The following KCNB2 variants were observed in gnomAD, a reference collection of about 807,000 sequenced individuals.
The protein encoded by KCNB2 is potassium voltage-gated channel subfamily B member 2.
KCNB2 carries 15 observed loss-of-function variants against 61.5 expected under a neutral mutation model. The ratio of observed to expected loss-of-function variants is 0.24; its 90% CI spans 0.16 to 0.38. The LOEUF (loss-of-function observed/expected upper bound fraction) is 0.38. Ranked by LOEUF, KCNB2 falls within the 10% of genes least tolerant of loss-of-function variation. The pLI is 1.00. For missense variants in KCNB2, 828 were observed against 1,125.2 expected (o/e 0.74, Z 3.78); for synonymous variants, 457 against 446.0 (o/e 1.02, Z -0.31).
intron 2 of KCNB2, among the ~76,000 whole-genome samples, chr8:72,799,770 A>C (rs1809092730): frequency 6.6e-6 from 1 of 152,132 alleles, no homozygotes; most frequent in South Asian, 2.1e-4. Flanking sequence ...TGGACATAAA[A>C]AATATAATTG....
At chr8:72,742,146 C>A (rs1807970505) in intron 2 of KCNB2, among the ~76,000 whole-genome samples, 1 of 152,152 alleles carries the variant, frequency 6.6e-6, no homozygotes. Flanking sequence ...TTTCTGCTAC[C>A]CTGTTTTTAC....
chr8:72,758,617 C>T (rs1808330506), intron 2 of KCNB2, among the ~76,000 whole-genome samples: 1 of 152,168 alleles, frequency 6.6e-6, no homozygotes, highest in Admixed American at 6.5e-5. Flanking sequence ...ATGTTTATTA[C>T]ACAAACCTCT....
intron 2 of KCNB2, among the ~76,000 whole-genome samples, chr8:72,587,965 A>G (rs959186210): frequency 6.6e-6 from 1 of 152,180 alleles, no homozygotes; most frequent in Non-Finnish European, 1.5e-5. Context: ...TTAAATGTCC[A>G]TTTGCTTTCA....
At chr8:72,700,875 A>G (rs1807110908) in intron 2 of KCNB2, among the ~76,000 whole-genome samples, 1 of 152,224 alleles carries the variant, frequency 6.6e-6, no homozygotes, top group Non-Finnish European at 1.5e-5. Flanking sequence ...TGTGGTACAT[A>G]TACACCATGG....
intron 2 of KCNB2, chr8:72,660,765 T>A (rs1280984833): frequency 3.3e-5 from 5 of 152,204 alleles, no homozygotes; most frequent in African/African-American, 1.2e-4. Flanking sequence ...GATCTTGTCA[T>A]CAGTTTTGGA....
chr8:72,889,200 T>G (rs1209215073), intron 2 of KCNB2, among the ~76,000 whole-genome samples: 1 of 152,182 alleles, frequency 6.6e-6, no homozygotes, highest in Admixed American at 6.5e-5. Flanking sequence ...AACACATCAC[T>G]GTTACTATTC....
chr8:72,843,528 C>G (rs10087853), intron 2 of KCNB2, among the ~76,000 whole-genome samples: 129,402 of 151,790 alleles, frequency 0.85, 56,121 homozygotes, highest in Middle Eastern at 0.97. Flanking sequence ...CTAATGTTGA[C>G]AGTAGGGTGT....
At chr8:72,746,827 G>A (rs1195890697) in intron 2 of KCNB2, among the ~76,000 whole-genome samples, 2 of 152,136 alleles carry the variant, frequency 1.3e-5, no homozygotes, top group Admixed American at 1.3e-4. Flanking sequence ...TTTCCAAGCA[G>A]TGAGTAGACC....
intron 2 of KCNB2, among the ~76,000 whole-genome samples, chr8:72,897,434 A>T (rs1806010503): frequency 6.6e-6 from 1 of 152,160 alleles, no homozygotes; most frequent in African/African-American, 2.4e-5. Context: ...GATATTTGAA[A>T]TATAAATCAT....
chr8:72,728,451 C>T (rs988533535), intron 2 of KCNB2, among the ~76,000 whole-genome samples: 1 of 152,006 alleles, frequency 6.6e-6, no homozygotes, highest in African/African-American at 2.4e-5. Flanking sequence ...AATGAATAAT[C>T]ATTCAGGACT....
intron 2 of KCNB2, among the ~76,000 whole-genome samples, chr8:72,787,648 T>G (rs1373711447): frequency 6.6e-6 from 1 of 152,086 alleles, no homozygotes; most frequent in Non-Finnish European, 1.5e-5. Flanking sequence ...TTGGAAATGG[T>G]AGATTTCAGA....
rs746658273 is a variant in KCNB2 at position 72,567,913 on chromosome 8, G to A, written c.179G>A (p.Arg60His). ...WRTLDRLPRTRLGKLRDCNTH... is the reference protein window; with the variant it reads ...WRTLDRLPRTHLGKLRDCNTH... ...ACGCTGGACAGGCTGCCCAGGACGC[G>A]CCTGGGGAAGCTTCGAGACTGCAAC... The change falls in exon 2 of 3, where the codon CGC becomes CAC. Residue 60 changes from arginine (R) to histidine (H), a missense_variant. By Grantham distance (29) the Arg-to-His change is conservative. Coordinates refer to ENST00000523207, the MANE Select transcript of KCNB2 (RefSeq NM_004770.3). The A allele has an allele frequency of 6.2e-7, 1 of 1,613,944 alleles. No homozygotes were observed. The highest frequency in any genetic ancestry group is 8.5e-7 in the Non-Finnish European group (1 of 1,179,944).
intron 2 of KCNB2, among the ~76,000 whole-genome samples, chr8:72,697,401 T>C (rs1339655587): frequency 6.6e-6 from 1 of 152,184 alleles, no homozygotes; most frequent in South Asian, 2.1e-4. Context: ...ATTCTCCAAC[T>C]AAATGCTGCT....
chr8:72,938,135 AAACTT>A lies in KCNB2; in HGVS notation c.*45_*49del, dbSNP rs759601958. The A allele has an allele frequency of 6.8e-7, 1 of 1,471,828 alleles. No homozygotes were observed. Among genetic ancestry groups the A allele is most frequent in the African/African-American group, 1.4e-5 (1 of 70,814 alleles). The allele number at this position is 1,471,828 out of a possible 1,614,324, so 91.2% of individuals were successfully genotyped here. On this transcript the variant is annotated 3_prime_UTR_variant, in exon 3 of 3. Transcript: ENST00000523207. ...AATTGAAACAAAACAAAACAAAACA[AAACTT>A]GTTTCTTAAAAATGCGGTTAATAAT...
At chr8:72,829,450 A>G (rs1809652892) in intron 2 of KCNB2, among the ~76,000 whole-genome samples, 1 of 152,228 alleles carries the variant, frequency 6.6e-6, no homozygotes, top group African/African-American at 2.4e-5. Context: ...CAGCTTCTGT[A>G]TAAAGAGTAG....
At chr8:72,882,520 TGAGAGAGAGA>T (rs147239924) in intron 2 of KCNB2, among the ~76,000 whole-genome samples, 24 of 115,460 alleles carry the variant, frequency 2.1e-4, no homozygotes, top group African/African-American at 3.9e-4. Context: ...TGCTGACAGT[TGAGAGAGAGA>T]GAGAGAGAGA....
Position 72,686,615 on chromosome 8 carries a change from A to G in KCNB2, c.579+118302A>G, listed in dbSNP as rs150470328. The stretch of plus-strand genomic sequence containing the variant: ...GCAATCAATAAATCATCTTGCCAGC[A>G]TAGTAAGCAACCTGAAAACAACCTC... On this transcript the variant is annotated intron_variant, in intron 2 of 2. Transcript: ENST00000523207. Among the ~76,000 whole-genome samples the G allele has an allele frequency of 2.1e-3, 321 of 152,342 alleles. 3 individuals carry two copies. The highest frequency in any genetic ancestry group is 7.3e-3 in the African/African-American group (302 of 41,584).
intron 2 of KCNB2, among the ~76,000 whole-genome samples, chr8:72,899,791 G>A (rs909247813): frequency 6.6e-6 from 1 of 152,156 alleles, no homozygotes; most frequent in East Asian, 1.9e-4. Flanking sequence ...GCCCAAAGCA[G>A]TTTATAGATT....
chr8:72,802,533 A>G (rs1809149723), intron 2 of KCNB2, among the ~76,000 whole-genome samples: 1 of 152,190 alleles, frequency 6.6e-6, no homozygotes, highest in Non-Finnish European at 1.5e-5. Context: ...ATCAACTTAG[A>G]GGAAGTTTTT....
Sources: gnomAD v4.1 joint callset for allele counts (sites outside exome capture counted in the v4.1 genomes callset) on GRCh38, gnomAD v4.1.1 for gene constraint, MANE v1.5 for transcripts, NCBI Gene and HGNC (gene_info 2026-07-23, HGNC 2026-07-21) for gene names.